SLC35B1: variants seen among roughly 807,000 people sequenced by gnomAD.
The protein encoded by SLC35B1 is ATP/ADP exchanger ER.
A neutral mutation model predicts 36.6 loss-of-function variants in SLC35B1; 27 were observed. The observed-to-expected ratio is 0.74, with a 90% CI of 0.54 to 1.02. The LOEUF (loss-of-function observed/expected upper bound fraction) is 1.02, where lower values mean the gene tolerates loss of function less well. SLC35B1 is among the 50% of genes least tolerant of loss of function. The pLI is 0.00. For missense variants in SLC35B1, 321 were observed against 383.2 expected (o/e 0.84, Z 1.35); for synonymous variants, 162 against 152.5 (o/e 1.06, Z -0.46).
intron 2 of SLC35B1, 125 bp downstream of exon 2, chr17:49,706,840 T>G (rs148943457): frequency 1.3e-4 from 92 of 700,540 alleles, no homozygotes; most frequent in Middle Eastern, 2.4e-4. Flanking sequence ...AGAGAGGCTG[T>G]GTAAGTACAA....
intron 1 of SLC35B1, chr17:49,707,282 A>G (rs960607253): frequency 1.6e-5 from 23 of 1,464,862 alleles, no homozygotes; most frequent in Admixed American, 2.2e-5. Context: ...AAAGCCTAAG[A>G]AAAGAATACC....
At chr17:49,702,715 C>T in intron 8 of SLC35B1, 143 bp downstream of exon 8, 1 of 867,844 alleles carries the variant, frequency 1.2e-6, no homozygotes, top group Non-Finnish European at 1.7e-6. Flanking sequence ...GCACTCACTC[C>T]AGCCTGGGCA....
upstream of SLC35B1, chr17:49,708,123 A>T (rs1205983828): frequency 1.4e-6 from 1 of 703,442 alleles, no homozygotes; most frequent in African/African-American, 1.8e-5. Context: ...CTCGAGACTG[A>T]TCCCTCGCCC....
At position 49,704,149 on chromosome 17, in the gene SLC35B1, G is replaced by T. The variant is rs1223337071; in HGVS notation, c.606C>A (p.Asn202Lys). 1 of 1,614,070 alleles carries T rather than the reference G, an allele frequency of 6.2e-7. No individual in the cohort carries two copies. The highest frequency in any genetic ancestry group is 1.3e-5 in the African/African-American group (1 of 74,924). Residue 202 changes from asparagine (N) to lysine (K), a missense_variant, in exon 6 of 9, where the codon AAC becomes AAA. Asn to Lys is a moderately conservative substitution (Grantham distance 94). Coordinates refer to ENST00000240333, the MANE Select transcript of SLC35B1 (RefSeq NM_005827.4). ...HMRAHYQTGS[N>K]HMMLNINLWS... Reference sequence around the variant, plus strand: ...AAAGGTTGATGTTCAGCATCATGTGGTTGGAGCCTGTTTGGTAATGAGCCC... The same window carrying T: ...AAAGGTTGATGTTCAGCATCATGTGTTTGGAGCCTGTTTGGTAATGAGCCC...
Position 49,701,266 on chromosome 17 carries a change from G to T in SLC35B1, c.*192C>A. The T allele has an allele frequency of 1.8e-6, 1 of 564,090 alleles. No homozygotes were observed. The highest frequency in any genetic ancestry group is 2.2e-5 in the South Asian group (1 of 45,848). The allele number at this position is 564,090 out of a possible 1,614,324, so 34.9% of individuals were successfully genotyped here. ...ACCATAGACTGCTCCAGGGCATGAAGAACAAAAACCACCACTCTGTCTTGT... is the reference window on the plus strand; with the variant it reads ...ACCATAGACTGCTCCAGGGCATGAATAACAAAAACCACCACTCTGTCTTGT... On this transcript the variant is annotated 3_prime_UTR_variant, in exon 9 of 9. Coordinates refer to ENST00000240333, the MANE Select transcript of SLC35B1 (RefSeq NM_005827.4).
chr17:49,705,336 C>A, intron 4 of SLC35B1, 55 bp from the exon 5 acceptor site: 4 of 1,512,012 alleles, frequency 2.6e-6, no homozygotes, highest in East Asian at 2.3e-5. Context: ...ATTGATGACC[C>A]CAATGCCCTC....
At chr17:49,706,902 C>A in intron 2 of SLC35B1, 63 bp downstream of exon 2, 1 of 1,165,984 alleles carries the variant, frequency 8.6e-7, no homozygotes, top group South Asian at 1.2e-5. Flanking sequence ...ATGCTTAATG[C>A]CCAGCATACT....
chr17:49,701,589 C>T (rs770225439), intron 8 of SLC35B1, 79 bp from the exon 9 acceptor site: 38 of 1,216,414 alleles, frequency 3.1e-5, no homozygotes, highest in Middle Eastern at 3.8e-4. Context: ...GTGGGGTAGT[C>T]GGCCTTGTAT....
At chr17:49,703,336 C>G in intron 6 of SLC35B1, 42 bp from the exon 7 acceptor site, 1 of 1,209,120 alleles carries the variant, frequency 8.3e-7, no homozygotes, top group South Asian at 1.2e-5. Context: ...ATTTTGTGCA[C>G]ACAAAATGTG....
chr17:49,708,123 A>G (rs1205983828), upstream of SLC35B1: 2 of 703,560 alleles, frequency 2.8e-6, no homozygotes, highest in East Asian at 2.7e-5. Context: ...CTCGAGACTG[A>G]TCCCTCGCCC....
rs760959785 is a variant in SLC35B1, at chr17:49,707,890, G to A, written c.-57C>T. ...CTCACAACCGGCACCGGCAGCAGCG[G>A]CGGCGGAGGCGACAGCTCCAGCCGG... On this transcript the variant is annotated 5_prime_UTR_variant, in exon 1 of 9. Coordinates refer to ENST00000240333, the MANE Select transcript of SLC35B1 (RefSeq NM_005827.4). 1.9e-6 allele frequency: 3 copies of A among 1,600,538 alleles called. No homozygotes were observed. The highest frequency in any genetic ancestry group is 2.7e-5 in the African/African-American group (2 of 74,800).
chr17:49,701,744 A>G, intron 8 of SLC35B1: 1 of 457,264 alleles, frequency 2.2e-6, no homozygotes, highest in East Asian at 3.7e-5. Context: ...ATACAGATAG[A>G]TATAGATACA....
chr17:49,703,940 C>G, intron 6 of SLC35B1, 160 bp downstream of exon 6: 1 of 792,848 alleles, frequency 1.3e-6, no homozygotes, highest in Non-Finnish European at 2.0e-6. Context: ...CCTGCTGGTG[C>G]AGGTTTTTCC....
intron 8 of SLC35B1, 98 bp from the exon 9 acceptor site, chr17:49,701,608 TGGG>T: frequency 1.1e-6 from 1 of 907,306 alleles, no homozygotes; most frequent in Non-Finnish European, 1.8e-6. Context: ...ATCTCCAAAA[TGGG>T]GGCTTTAAAT....
rs1448237862 is a variant in SLC35B1, at chr17:49,705,253, C to T, written c.399G>A (p.Lys133=). The T allele has an allele frequency of 1.9e-6, 3 of 1,614,064 alleles. No homozygotes were observed. Among genetic ancestry groups the T allele is most frequent in the Non-Finnish European group, 2.5e-6 (3 of 1,180,042 alleles). ...GGTACTTGGCCAACGGGTACTTCTTCTTCAAGAGGGTCACCCCAAGGAGCA... is the reference window on the plus strand; with the variant it reads ...GGTACTTGGCCAACGGGTACTTCTTTTTCAAGAGGGTCACCCCAAGGAGCA... ...PVMLLGVTLL[K]KKYPLAKYLC... is the part of the protein sequence containing the mutation. The change falls in exon 5 of 9, where the codon AAG becomes AAA. Residue 133 remains lysine (K), a synonymous_variant. Transcript: ENST00000240333.
At chr17:49,701,546 G>T in intron 8 of SLC35B1, 36 bp from the exon 9 acceptor site, 1 of 1,595,026 alleles carries the variant, frequency 6.3e-7, no homozygotes, top group Non-Finnish European at 8.6e-7. Flanking sequence ...AGCCTTATGG[G>T]GGGAAATGAA....
chr17:49,707,176 G>A, intron 1 of SLC35B1, 108 bp from the exon 2 acceptor site: 7 of 1,318,296 alleles, frequency 5.3e-6, no homozygotes, highest in Non-Finnish European at 7.4e-6. Context: ...TGCCTCTCTG[G>A]ATGTAGGCAG....
chr17:49,706,717 G>T (rs891843696), intron 2 of SLC35B1, among the ~76,000 whole-genome samples: 1 of 152,152 alleles, frequency 6.6e-6, no homozygotes, highest in Non-Finnish European at 1.5e-5. Context: ...TTTTCAATGG[G>T]GATTTGGAAT....
At chr17:49,703,380 ACTCCTG>A in intron 6 of SLC35B1, 86 bp from the exon 7 acceptor site, 2 of 827,794 alleles carry the variant, frequency 2.4e-6, no homozygotes, top group Non-Finnish European at 4.1e-6. Context: ...ACACACAGAC[ACTCCTG>A]CACATGGCCT....
Sources: allele counts gnomAD v4.1 joint callset (sites outside exome capture counted in the v4.1 genomes callset), GRCh38; gene constraint gnomAD v4.1.1; transcripts MANE v1.5; gene names NCBI Gene and HGNC (gene_info 2026-07-23, HGNC 2026-07-21).